Variants in SLC7A2 observed in about 807,000 individuals in gnomAD.
The protein encoded by SLC7A2 is solute carrier family 7 member 2, also known as cationic amino acid transporter 2.
SLC7A2 carries 48 observed loss-of-function variants against 58.9 expected under a neutral mutation model. That is an observed-to-expected ratio of 0.82 (90% CI 0.65 to 1.04). SLC7A2 has a LOEUF of 1.04. SLC7A2 is among the 50% of genes least tolerant of loss of function. SLC7A2 has a pLI of 0.00. For synonymous variants in SLC7A2, 363 were observed against 314.5 expected (o/e 1.15, Z -1.63); for missense variants, 1,029 against 818.8 (o/e 1.26, Z -3.13).
chr8:17,512,370 A>G (rs987760674), intron 2 of SLC7A2, among the ~76,000 whole-genome samples: 2 of 152,184 alleles, frequency 1.3e-5, no homozygotes, highest in Admixed American at 1.3e-4. Context: ...AACATGGTGA[A>G]GCCCTATGTC....
chr8:17,545,403 C>CTTTT (rs386412194), intron 4 of SLC7A2, among the ~76,000 whole-genome samples: 128 of 64,298 alleles, frequency 2.0e-3, no homozygotes, highest in African/African-American at 3.6e-3. Flanking sequence ...TGAACATTTT[C>CTTTT]TTTTTTTTTT....
At chr8:17,540,192 A>T (rs1801850791) in intron 2 of SLC7A2, among the ~76,000 whole-genome samples, 1 of 152,146 alleles carries the variant, frequency 6.6e-6, no homozygotes, top group African/African-American at 2.4e-5. Context: ...TTGACCCAAT[A>T]TGTTTTTTCC....
chr8:17,531,834 G>A (rs1289640343), intron 2 of SLC7A2, among the ~76,000 whole-genome samples: 1 of 151,958 alleles, frequency 6.6e-6, no homozygotes, highest in African/African-American at 2.4e-5. Flanking sequence ...AAGTAACAAA[G>A]AGGAAAATTT....
At chr8:17,519,501 T>G (rs34807497) in intron 2 of SLC7A2, among the ~76,000 whole-genome samples, 5,695 of 152,294 alleles carry the variant, frequency 0.037, 138 homozygotes, top group East Asian at 0.11. Flanking sequence ...CTAGGCTAAT[T>G]GTGAGCTTCC....
chr8:17,500,809 C>G (rs1282136676), intron 1 of SLC7A2, among the ~76,000 whole-genome samples: 1,085 of 54,154 alleles, frequency 0.02, 19 homozygotes, highest in African/African-American at 0.051. Context: ...TACACACACA[C>G]ACACACACAC....
chr8:17,496,421 C>A (rs1013093339), upstream of SLC7A2, among the ~76,000 whole-genome samples: 1 of 152,192 alleles, frequency 6.6e-6, no homozygotes, highest in Non-Finnish European at 1.5e-5. Context: ...AATTAACAGG[C>A]TTTCACATTG....
Position 17,550,403 on chromosome 8 carries a change from C to A in SLC7A2, c.801C>A (p.Ala267=). 1 of 1,613,840 alleles carries A rather than the reference C, an allele frequency of 6.2e-7. No individual in the cohort carries two copies. Among genetic ancestry groups the A allele is most frequent in the Non-Finnish European group, 8.5e-7 (1 of 1,179,902 alleles). The change falls in exon 6 of 13, where the codon GCC becomes GCA. Residue 267 remains alanine, a synonymous_variant. Coordinates refer to ENST00000494857, the MANE Select transcript of SLC7A2 (RefSeq NM_001370338.1). ...TLAGAATCFY[A]FVGFDCIATT... ...CTGGTGCTGCAACTTGCTTTTATGC[C>A]TTTGTGGGATTTGACTGCATTGCAA...
Position 17,564,967 on chromosome 8 carries a change from T to C in SLC7A2, c.1798T>C (p.Ser600Pro), listed in dbSNP as rs759884170. Residue 600 changes from serine (S) to proline (P), a missense_variant, in exon 13 of 13, where the codon TCT (serine) becomes CCT (proline). Physicochemically the swap from Ser to Pro is moderately conservative, Grantham distance 74. Coordinates refer to ENST00000494857, the MANE Select transcript of SLC7A2 (RefSeq NM_001370338.1). Reference protein sequence around the residue: ...WMAIGFLIYFSYGIRHSLEGH... With the variant: ...WMAIGFLIYFPYGIRHSLEGH... ...CCCAACAGGCTTCCTGATTTACTTT[T>C]CTTATGGCATTAGACACAGCCTGGA... 2.5e-6 allele frequency: 4 copies of C among 1,584,638 alleles called. No individual in the cohort carries two copies. Among genetic ancestry groups the C allele is most frequent in the Non-Finnish European group, 2.6e-6 (3 of 1,169,096 alleles).
At chr8:17,543,925 G>T (rs1802040993) in intron 3 of SLC7A2, among the ~76,000 whole-genome samples, 1 of 152,140 alleles carries the variant, frequency 6.6e-6, no homozygotes, top group South Asian at 2.1e-4. Flanking sequence ...TTGAAGTGCA[G>T]TGGCGTGATC....
At chr8:17,528,770 G>C (rs1460224858) in intron 2 of SLC7A2, among the ~76,000 whole-genome samples, 1 of 152,122 alleles carries the variant, frequency 6.6e-6, no homozygotes, top group Non-Finnish European at 1.5e-5. Flanking sequence ...GTAGCTATTT[G>C]GAATTACTTG....
chr8:17,532,606 GT>G (rs1298366997), intron 2 of SLC7A2, among the ~76,000 whole-genome samples: 41 of 152,176 alleles, frequency 2.7e-4, no homozygotes, highest in African/African-American at 9.4e-4. Context: ...AGTCTATGCA[GT>G]TAATATAAAA....
Position 17,563,658 on chromosome 8 carries a change from T to A in SLC7A2, c.1727T>A (p.Met576Lys), listed in dbSNP as rs1803129778. 1 of 1,613,746 alleles carries A rather than the reference T, an allele frequency of 6.2e-7. No homozygotes were observed. The highest frequency in any genetic ancestry group is 8.5e-7 in the Non-Finnish European group (1 of 1,179,676). The stretch of plus-strand genomic sequence containing the variant: ...AGCATCTTGGTGAACATTTACTTGA[T>A]GGTCCAGTTAAGTGCAGACACTTGG... ...AFSILVNIYL[M>K]VQLSADTWVR... The change falls in exon 12 of 13, where the codon ATG becomes AAG. Residue 576 changes from methionine (M) to lysine (K), a missense_variant. Transcript: ENST00000494857.
intron 2 of SLC7A2, among the ~76,000 whole-genome samples, chr8:17,542,390 C>T (rs1055117233): frequency 3.7e-4 from 57 of 152,138 alleles, no homozygotes; most frequent in Middle Eastern, 3.2e-3. Flanking sequence ...GTGGTTCATG[C>T]GTGTAATCCC....
intron 1 of SLC7A2, among the ~76,000 whole-genome samples, chr8:17,498,016 C>T (rs35882317): frequency 6.6e-6 from 1 of 151,876 alleles, no homozygotes; most frequent in Non-Finnish European, 1.5e-5. Context: ...TCATCTTCAA[C>T]TCGTCGAAAA....
intron 2 of SLC7A2, among the ~76,000 whole-genome samples, chr8:17,525,811 T>C (rs1315800863): frequency 6.6e-6 from 1 of 152,190 alleles, no homozygotes; most frequent in Admixed American, 6.5e-5. Context: ...CAGTGAAGGA[T>C]TCTTAAACAA....
intron 2 of SLC7A2, among the ~76,000 whole-genome samples, chr8:17,516,054 G>A (rs1273155413): frequency 1.3e-5 from 2 of 152,062 alleles, no homozygotes; most frequent in South Asian, 4.1e-4. Context: ...TTTAAAGAAA[G>A]TTATCATCTC....
At chr8:17,555,969 G>A (rs1283987419) in intron 8 of SLC7A2, among the ~76,000 whole-genome samples, 1 of 152,154 alleles carries the variant, frequency 6.6e-6, no homozygotes, top group Non-Finnish European at 1.5e-5. Context: ...TTGAGGCTCT[G>A]AATTGTTAGG....
chr8:17,512,547 AAAAC>A (rs1366870981), intron 2 of SLC7A2, among the ~76,000 whole-genome samples: 2 of 152,188 alleles, frequency 1.3e-5, no homozygotes, highest in African/African-American at 2.4e-5. Context: ...ACTCCATCCC[AAAAC>A]AAACAAACAC....
At chr8:17,562,239 C>A (rs930348347) in intron 11 of SLC7A2, 129 bp downstream of exon 11, 1 of 837,370 alleles carries the variant, frequency 1.2e-6, no homozygotes, top group Non-Finnish European at 1.7e-6. Flanking sequence ...CTCTCTTTGT[C>A]ACTCAGGCTG....
Sources: gnomAD v4.1 joint callset for allele counts (sites outside exome capture counted in the v4.1 genomes callset) on GRCh38, gnomAD v4.1.1 for gene constraint, MANE v1.5 for transcripts, NCBI Gene and HGNC (gene_info 2026-07-23, HGNC 2026-07-21) for gene names.